The following GRXCR2 variants were observed in gnomAD, a reference collection of about 807,000 sequenced individuals.
GRXCR2 encodes glutaredoxin and cysteine rich domain containing 2, also known as glutaredoxin domain-containing cysteine-rich protein 2.
In GRXCR2, 23 loss-of-function variants were observed where a neutral mutation model predicts 24.8. The ratio of observed to expected loss-of-function variants is 0.93; its 90% CI spans 0.67 to 1.32. The LOEUF (loss-of-function observed/expected upper bound fraction) is 1.32, where lower values mean the gene tolerates loss of function less well. Ranked by LOEUF, GRXCR2 falls within the 40% of genes most tolerant of loss-of-function variation. The pLI, the probability that GRXCR2 is intolerant of heterozygous loss-of-function variation, is 0.00. For synonymous variants in GRXCR2, 130 were observed against 116.1 expected (o/e 1.12, Z -0.77); for missense variants, 315 against 303.4 (o/e 1.04, Z -0.28).
At chr5:145,863,599 T>G (rs1441817473) in intron 2 of GRXCR2, among the ~76,000 whole-genome samples, 1 of 152,212 alleles carries the variant, frequency 6.6e-6, no homozygotes, top group African/African-American at 2.4e-5. Context: ...AAAAATTTTA[T>G]AGTGGGAAGG....
chr5:145,880,985 C>G (rs915437482), intron 2 of GRXCR2, among the ~76,000 whole-genome samples: 2 of 152,198 alleles, frequency 1.3e-5, no homozygotes, highest in Non-Finnish European at 2.9e-5. Context: ...AACAGCACTT[C>G]ATGCTAAAAA....
intron 2 of GRXCR2, among the ~76,000 whole-genome samples, chr5:145,910,930 C>T (rs924333730): frequency 1.3e-5 from 2 of 151,964 alleles, no homozygotes; most frequent in Non-Finnish European, 2.9e-5. Flanking sequence ...GACGCCAAGG[C>T]CCTGAAAAGT....
Position 145,866,726 on chromosome 5 carries a change from G to A in GRXCR2, c.339C>T (p.Pro113=), listed in dbSNP as rs1387142440. Residue 113 remains proline, a splice_region_variant and synonymous_variant, in exon 2 of 3, where the codon CCC becomes CCT. Coordinates refer to ENST00000377976, the MANE Select transcript of GRXCR2 (RefSeq NM_001080516.2). ...FNDYKANDHK[P]LPIIDFGKII... ...TCTTTCCAAAATCTATAATAGGTAG[G>A]GGCTAGAGAAATGGAGAATGAGCAT... 3 of 1,591,550 alleles carry A rather than the reference G, an allele frequency of 1.9e-6. No homozygotes were observed. The highest frequency in any genetic ancestry group is 4.5e-5 in the East Asian group (2 of 44,778).
At chr5:145,901,024 G>A (rs780215518) in intron 2 of GRXCR2, among the ~76,000 whole-genome samples, 9 of 152,086 alleles carry the variant, frequency 5.9e-5, no homozygotes, top group Non-Finnish European at 1.0e-4. Context: ...ATTATCCTAA[G>A]CAAATTAACA....
At chr5:145,919,929 G>GT (rs113584254) in intron 2 of GRXCR2, among the ~76,000 whole-genome samples, 35 of 152,170 alleles carry the variant, frequency 2.3e-4, no homozygotes, top group African/African-American at 8.2e-4. Flanking sequence ...CCAGAAATTT[G>GT]TTTTTTAGTC....
chr5:145,911,055 G>T (rs918621104), intron 2 of GRXCR2, among the ~76,000 whole-genome samples: 4 of 152,002 alleles, frequency 2.6e-5, no homozygotes. Flanking sequence ...TTTAAAAAGG[G>T]GTTATATTAT....
chr5:145,900,803 G>T (rs1757014185), intron 2 of GRXCR2, among the ~76,000 whole-genome samples: 1 of 152,268 alleles, frequency 6.6e-6, no homozygotes, highest in Admixed American at 6.5e-5. Flanking sequence ...ATATCTAAAA[G>T]AAAACAAATC....
intron 2 of GRXCR2, among the ~76,000 whole-genome samples, chr5:145,919,355 T>C (rs1257065706): frequency 6.6e-6 from 1 of 152,224 alleles, no homozygotes; most frequent in Non-Finnish European, 1.5e-5. Flanking sequence ...AGACCTTGCA[T>C]GCATATCTAA....
chr5:145,889,300 G>A (rs961698016), intron 2 of GRXCR2, among the ~76,000 whole-genome samples: 1 of 152,016 alleles, frequency 6.6e-6, no homozygotes, highest in Non-Finnish European at 1.5e-5. Flanking sequence ...GGGAGGCAAG[G>A]GATAAAAGAC....
In GRXCR2 at chr5:145,871,236, T is replaced by C. The variant is rs116222752; in HGVS notation, c.336+1397A>G. 7.9e-4 allele frequency among the ~76,000 whole-genome samples: 121 copies of C among 152,214 alleles called. 1 individual carries two copies. The highest frequency in any genetic ancestry group is 2.8e-3 in the African/African-American group (117 of 41,526). On this transcript the variant is annotated intron_variant, in intron 1 of 2. Transcript: ENST00000377976. ...CAAATAAGACATAGTTAAAAAGAAATAGTATAAGTACAAGACTAGCCAAGT... is the reference window on the plus strand; with the variant it reads ...CAAATAAGACATAGTTAAAAAGAAACAGTATAAGTACAAGACTAGCCAAGT...
At chr5:145,921,455 GA>G (rs1233093294) in intron 2 of GRXCR2, among the ~76,000 whole-genome samples, 1 of 152,024 alleles carries the variant, frequency 6.6e-6, no homozygotes, top group Non-Finnish European at 1.5e-5. Context: ...CTTCCCTCTT[GA>G]AAAACCACTG....
In GRXCR2 at chr5:145,864,344, G is replaced by C. The variant is rs567314393; in HGVS notation, c.564+2157C>G. Among the ~76,000 whole-genome samples the C allele has an allele frequency of 4.8e-4, 73 of 152,316 alleles. 1 individual carries two copies. The highest frequency in any genetic ancestry group is 1.6e-3 in the African/African-American group (68 of 41,564). Reference sequence around the variant, plus strand: ...GTAAGAGATGATGCTGGAGGGGCCAGCAGAGGCCAGGCTACACAGAGCTTT... The same window carrying C: ...GTAAGAGATGATGCTGGAGGGGCCACCAGAGGCCAGGCTACACAGAGCTTT... On this transcript the variant is annotated intron_variant, in intron 2 of 2. Coordinates refer to ENST00000377976, the MANE Select transcript of GRXCR2 (RefSeq NM_001080516.2).
In GRXCR2 at chr5:145,859,664, G is replaced by A. The variant is rs1043984014; in HGVS notation, c.*69C>T. ...CTTGTTGGGAGAGGCAGGAGGAGGAGAAGGGGGCGGTTTATTAGAAATAAC... is the reference window on the plus strand; with the variant it reads ...CTTGTTGGGAGAGGCAGGAGGAGGAAAAGGGGGCGGTTTATTAGAAATAAC... On this transcript the variant is annotated 3_prime_UTR_variant, in exon 3 of 3. Transcript: ENST00000377976. 7 of 1,461,446 alleles carry A rather than the reference G, an allele frequency of 4.8e-6. No individual in the cohort carries two copies. Among genetic ancestry groups the A allele is most frequent in the East Asian group, 2.3e-5 (1 of 43,938 alleles). The allele number at this position is 1,461,446 out of a possible 1,614,324, so 90.5% of individuals were successfully genotyped here. A position where few individuals can be genotyped will look rare whatever the true frequency, so the allele number is the denominator to read the frequency against.
intron 2 of GRXCR2, among the ~76,000 whole-genome samples, chr5:145,915,545 G>T (rs906366335): frequency 6.6e-6 from 1 of 152,120 alleles, no homozygotes; most frequent in Non-Finnish European, 1.5e-5. Context: ...AACACTTTGG[G>T]AGGCCGAGGT....
upstream of GRXCR2, among the ~76,000 whole-genome samples, chr5:145,876,485 A>G (rs1488117234): frequency 1.3e-5 from 2 of 151,838 alleles, no homozygotes; most frequent in Non-Finnish European, 2.9e-5. Flanking sequence ...CCTAACTAGA[A>G]GAATATTTTC....
intron 2 of GRXCR2, among the ~76,000 whole-genome samples, chr5:145,881,671 T>A (rs1351026534): frequency 6.6e-6 from 1 of 152,122 alleles, no homozygotes; most frequent in Non-Finnish European, 1.5e-5. Context: ...AAAAACTACT[T>A]TAAAGTTCAT....
chr5:145,866,521 G>C lies in GRXCR2; in HGVS notation c.544C>G (p.Pro182Ala), dbSNP rs1297747098. ...CGCACCTGTGTATACCGGTTTTGGGGTAATGTGCTTTCTGCCTCCACCAAA... is the reference window on the plus strand; with the variant it reads ...CGCACCTGTGTATACCGGTTTTGGGCTAATGTGCTTTCTGCCTCCACCAAA... ...RPLVEAESTLPQNRYTQEGDI... is the reference protein window; with the variant it reads ...RPLVEAESTLAQNRYTQEGDI... Residue 182 changes from proline to alanine, a missense_variant, in exon 2 of 3, where the codon CCC becomes GCC. Physicochemically the swap from Pro to Ala is conservative, Grantham distance 27 (BLOSUM62 -1). Coordinates refer to ENST00000377976, the MANE Select transcript of GRXCR2 (RefSeq NM_001080516.2). 6.2e-7 allele frequency: 1 copy of C among 1,613,940 alleles called. No individual in the cohort carries two copies. The highest frequency in any genetic ancestry group is 1.3e-5 in the African/African-American group (1 of 75,016).
At chr5:145,930,060 C>CTTTATTTACTTA (rs149681476) in intron 2 of GRXCR2, among the ~76,000 whole-genome samples, 2 of 151,054 alleles carry the variant, frequency 1.3e-5, no homozygotes, top group African/African-American at 4.9e-5. Context: ...TTGGGCTAGT[C>CTTTATTTACTTA]TTTATTTATT....
chr5:145,928,355 G>C, intron 2 of GRXCR2, among the ~76,000 whole-genome samples: 1 of 152,084 alleles, frequency 6.6e-6, no homozygotes, highest in Non-Finnish European at 1.5e-5. Flanking sequence ...CGATTCCTCA[G>C]GGATCTAGAA....
Sources: gnomAD v4.1 joint callset for allele counts (sites outside exome capture counted in the v4.1 genomes callset) on GRCh38, gnomAD v4.1.1 for gene constraint, MANE v1.5 for transcripts, NCBI Gene and HGNC (gene_info 2026-07-23, HGNC 2026-07-21) for gene names.